The following OR9Q1 variants were observed in gnomAD, a reference collection of about 807,000 sequenced individuals.
OR9Q1 encodes the protein olfactory receptor family 9 subfamily Q member 1.
For missense variants in OR9Q1, 374 were observed against 378.8 expected, an observed-to-expected ratio of 0.99 and a Z score of 0.11; for synonymous variants, 153 against 148.6, an observed-to-expected ratio of 1.03 and a Z score of -0.22.
intron 1 of OR9Q1, among the ~76,000 whole-genome samples, chr11:58,032,719 C>G (rs1853055028): frequency 6.6e-6 from 1 of 152,162 alleles, no homozygotes; most frequent in South Asian, 2.1e-4. Context: ...GAATTTATTA[C>G]TAAGTTCTCA....
At chr11:58,132,706 C>G (rs1416640087) in intron 2 of OR9Q1, among the ~76,000 whole-genome samples, 1 of 152,136 alleles carries the variant, frequency 6.6e-6, no homozygotes, top group African/African-American at 2.4e-5. Flanking sequence ...CCCTCATCCC[C>G]AGGGTGAGGT....
chr11:58,104,863 G>A (rs1853825170), intron 2 of OR9Q1, among the ~76,000 whole-genome samples: 1 of 152,174 alleles, frequency 6.6e-6, no homozygotes, highest in Non-Finnish European at 1.5e-5. Flanking sequence ...ATGGCTACAT[G>A]AAGCAGATCC....
In OR9Q1 at chr11:58,179,510, A is replaced by G. The variant is rs1456754253; in HGVS notation, c.66A>G (p.Glu22=). The G allele has an allele frequency of 3.1e-6, 5 of 1,608,440 alleles. No individual in the cohort carries two copies. Among genetic ancestry groups the G allele is most frequent in the East Asian group, 2.2e-5 (1 of 44,860 alleles). ...FLLIAFTEYP[E]WALPLFLLFL... The stretch of plus-strand genomic sequence containing the variant: ...TTATTGCATTCACTGAATATCCTGA[A>G]TGGGCACTCCCTCTCTTCCTCTTGT... Residue 22 remains glutamate (E), a synonymous_variant, in exon 3 of 3, where the codon GAA becomes GAG. Coordinates refer to ENST00000335397, the MANE Select transcript of OR9Q1 (RefSeq NM_001005212.4).
At chr11:58,169,613 C>T (rs1302694781) in intron 2 of OR9Q1, among the ~76,000 whole-genome samples, 1 of 152,134 alleles carries the variant, frequency 6.6e-6, no homozygotes, top group African/African-American at 2.4e-5. Context: ...TGAACCTTTT[C>T]CAAACCAAAG....
intron 2 of OR9Q1, among the ~76,000 whole-genome samples, chr11:58,095,990 T>TA: frequency 6.6e-6 from 1 of 151,732 alleles, no homozygotes; most frequent in Non-Finnish European, 1.5e-5. Context: ...AAACTAATAA[T>TA]AAAAAAAATG....
rs192417411 is a variant in OR9Q1 at position 58,149,921 on chromosome 11, T to C, written c.-14-29510T>C. 4.2e-3 allele frequency among the ~76,000 whole-genome samples: 643 copies of C among 152,348 alleles called. 3 individuals carry two copies. The highest frequency in any genetic ancestry group is 0.014 in the African/African-American group (601 of 41,586). On this transcript the variant is annotated intron_variant, in intron 2 of 2. Transcript: ENST00000335397. ...CTATTGTGAATGCTGTTGCTATAAA[T>C]GTGGGTGAACAAAGATGTGTTCAAG...
chr11:58,087,032 G>GGAAT (rs1853640371), intron 2 of OR9Q1, among the ~76,000 whole-genome samples: 1 of 151,346 alleles, frequency 6.6e-6, no homozygotes, highest in Admixed American at 6.6e-5. Flanking sequence ...AATATGTGAG[G>GGAAT]GAATGAATTT....
chr11:58,110,884 G>A (rs746567755), intron 2 of OR9Q1, among the ~76,000 whole-genome samples: 1 of 152,138 alleles, frequency 6.6e-6, no homozygotes, highest in Non-Finnish European at 1.5e-5. Context: ...CCTGGAGAGT[G>A]GGTGGAGTCG....
intron 2 of OR9Q1, among the ~76,000 whole-genome samples, chr11:58,154,701 A>G (rs1191467396): frequency 6.6e-6 from 1 of 152,226 alleles, no homozygotes; most frequent in Non-Finnish European, 1.5e-5. Context: ...CATACACCAA[A>G]GTATCACATG....
chr11:58,171,887 G>A (rs1854558797), intron 2 of OR9Q1, among the ~76,000 whole-genome samples: 1 of 152,154 alleles, frequency 6.6e-6, no homozygotes, highest in Admixed American at 6.6e-5. Context: ...TCCAGCTCTA[G>A]GGGAAGCAAT....
At chr11:58,114,849 T>C (rs1406181486) in intron 2 of OR9Q1, among the ~76,000 whole-genome samples, 1 of 152,170 alleles carries the variant, frequency 6.6e-6, no homozygotes, top group Non-Finnish European at 1.5e-5. Flanking sequence ...TTGTGTGGGA[T>C]GGTCAGAGTG....
intron 2 of OR9Q1, among the ~76,000 whole-genome samples, chr11:58,169,201 G>T (rs1232575560): frequency 6.6e-6 from 1 of 152,122 alleles, no homozygotes; most frequent in African/African-American, 2.4e-5. Flanking sequence ...TAGGTCACTT[G>T]CTTTGTTGTT....
chr11:58,101,404 C>A (rs1404912798), intron 2 of OR9Q1, among the ~76,000 whole-genome samples: 1 of 152,032 alleles, frequency 6.6e-6, no homozygotes, highest in East Asian at 1.9e-4. Flanking sequence ...AACATTGTTT[C>A]ATATGTTTGT....
intron 2 of OR9Q1, chr11:58,109,524 G>T (rs763244312): frequency 4.4e-6 from 2 of 459,224 alleles, no homozygotes; most frequent in Admixed American, 4.7e-5. Flanking sequence ...GGATTAGAAT[G>T]ATCATCCCCC....
intron 2 of OR9Q1, among the ~76,000 whole-genome samples, chr11:58,169,226 A>G (rs1280771625): frequency 6.6e-6 from 1 of 152,070 alleles, no homozygotes; most frequent in Non-Finnish European, 1.5e-5. Flanking sequence ...CCCCCTCTCT[A>G]GAAACATGTA....
At chr11:58,147,042 G>A (rs1357433158) in intron 2 of OR9Q1, among the ~76,000 whole-genome samples, 3 of 152,098 alleles carry the variant, frequency 2.0e-5, no homozygotes, top group Non-Finnish European at 4.4e-5. Flanking sequence ...GGAGTTGGAG[G>A]GAAATAGAAC....
intron 2 of OR9Q1, among the ~76,000 whole-genome samples, chr11:58,116,096 C>G (rs886919023): frequency 6.6e-6 from 1 of 152,096 alleles, no homozygotes; most frequent in East Asian, 1.9e-4. Context: ...ATAGGCAGCC[C>G]AGGGCCCATA....
chr11:58,126,215 C>A (rs1480802975), intron 2 of OR9Q1, among the ~76,000 whole-genome samples: 1 of 152,200 alleles, frequency 6.6e-6, no homozygotes, highest in Non-Finnish European at 1.5e-5. Context: ...CCCATGATCT[C>A]TTTGTTAGAA....
At chr11:58,029,802 A>G (rs1232140141) in intron 1 of OR9Q1, among the ~76,000 whole-genome samples, 4 of 150,074 alleles carry the variant, frequency 2.7e-5, no homozygotes, top group African/African-American at 7.4e-5. Flanking sequence ...ACTCCATGCT[A>G]TACTTGCAAC....
Sources: gnomAD v4.1 joint callset for allele counts (sites outside exome capture counted in the v4.1 genomes callset) on GRCh38, gnomAD v4.1.1 for gene constraint, MANE v1.5 for transcripts, NCBI Gene and HGNC (gene_info 2026-07-23, HGNC 2026-07-21) for gene names.